Variants in CNTNAP4 observed in about 807,000 individuals in gnomAD.
CNTNAP4 encodes contactin-associated protein-like 4.
Under a neutral mutation model 148.4 loss-of-function variants are expected in CNTNAP4, and 98 were observed. The ratio of observed to expected loss-of-function variants is 0.66; its 90% CI spans 0.56 to 0.78. The LOEUF (loss-of-function observed/expected upper bound fraction) is 0.78, where lower values mean the gene tolerates loss of function less well. Among genes scored for constraint, CNTNAP4 ranks in the 30% least tolerant of loss-of-function variants. CNTNAP4 has a pLI of 0.00. For synonymous variants in CNTNAP4, 730 were observed against 565.1 expected, an observed-to-expected ratio of 1.29 and a Z score of -4.14; for missense variants, 1,935 against 1,565.6, an observed-to-expected ratio of 1.24 and a Z score of -3.98.
chr16:76,520,923 A>G (rs929424300), intron 15 of CNTNAP4, among the ~76,000 whole-genome samples: 2 of 152,126 alleles, frequency 1.3e-5, no homozygotes, highest in East Asian at 1.9e-4. Flanking sequence ...CTTACTCTCT[A>G]TTGGAAAAAA....
chr16:76,411,633 G>A (rs1221530958), intron 3 of CNTNAP4, among the ~76,000 whole-genome samples: 1 of 151,210 alleles, frequency 6.6e-6, no homozygotes, highest in Non-Finnish European at 1.5e-5. Flanking sequence ...CTATAAAAAA[G>A]CACAAAAGTG....
chr16:76,516,410 C>T (rs2083257279), intron 15 of CNTNAP4, among the ~76,000 whole-genome samples: 1 of 152,134 alleles, frequency 6.6e-6, no homozygotes, highest in South Asian at 2.1e-4. Flanking sequence ...CATACATGTG[C>T]AAATGATTTA....
At chr16:76,463,807 G>C (rs9930154) in intron 9 of CNTNAP4, among the ~76,000 whole-genome samples, 14 of 151,836 alleles carry the variant, frequency 9.2e-5, no homozygotes, top group African/African-American at 3.4e-4. Flanking sequence ...TGGGTTTTAT[G>C]CTTGCTTCAT....
At chr16:76,524,636 G>C (rs1350744953) in intron 17 of CNTNAP4, among the ~76,000 whole-genome samples, 1 of 152,100 alleles carries the variant, frequency 6.6e-6, no homozygotes, top group Non-Finnish European at 1.5e-5. Flanking sequence ...AAACAGACTT[G>C]AGTCTTTTAA....
chr16:76,497,529 G>C (rs1175837105), intron 14 of CNTNAP4, among the ~76,000 whole-genome samples: 5 of 152,082 alleles, frequency 3.3e-5, no homozygotes, highest in African/African-American at 1.2e-4. Flanking sequence ...AAAAGGATGA[G>C]TTCATGTCCT....
At chr16:76,423,778 G>C (rs74026774) in intron 3 of CNTNAP4, among the ~76,000 whole-genome samples, 9 of 152,016 alleles carry the variant, frequency 5.9e-5, no homozygotes, top group African/African-American at 2.2e-4. Flanking sequence ...CAAATTTATT[G>C]ATCAGTTAAT....
At chr16:76,373,897 C>CAAAAAAA (rs71382634) in intron 3 of CNTNAP4, among the ~76,000 whole-genome samples, 20 of 111,908 alleles carry the variant, frequency 1.8e-4, no homozygotes, top group South Asian at 3.0e-4. Context: ...CTCCATCTCA[C>CAAAAAAA]AAAAAAAAAA....
chr16:76,450,204 C>T (rs2080407183), intron 7 of CNTNAP4, among the ~76,000 whole-genome samples: 1 of 151,930 alleles, frequency 6.6e-6, no homozygotes, highest in African/African-American at 2.4e-5. Context: ...GGCTGGGGTG[C>T]AGTGGCATAA....
chr16:76,410,625 A>G (rs1315722995), intron 3 of CNTNAP4, among the ~76,000 whole-genome samples: 1 of 151,764 alleles, frequency 6.6e-6, no homozygotes, highest in Admixed American at 6.6e-5. Flanking sequence ...TGTGAAGAAT[A>G]GGTTAAGCCC....
In CNTNAP4 at chr16:76,558,856, T is replaced by C; in HGVS notation, c.*173T>C. On this transcript the variant is annotated 3_prime_UTR_variant, in exon 24 of 24. Coordinates refer to ENST00000611870, the MANE Select transcript of CNTNAP4 (RefSeq NM_033401.5). ...CAGGAAGCCTCGTCCAGTGATATATTTCTCATAGCATTCATTCTATGGAAC... is the reference window on the plus strand; with the variant it reads ...CAGGAAGCCTCGTCCAGTGATATATCTCTCATAGCATTCATTCTATGGAAC... The C allele has an allele frequency of 2.0e-6, 1 of 491,658 alleles. No homozygotes were observed. The highest frequency in any genetic ancestry group is 3.6e-6 in the Non-Finnish European group (1 of 278,360). The allele number at this position is 491,658 out of a possible 1,614,324, so 30.5% of individuals were successfully genotyped here. A position where few individuals can be genotyped will look rare whatever the true frequency, so the allele number is the denominator to read the frequency against.
chr16:76,379,412 G>A (rs1439138016), intron 3 of CNTNAP4, among the ~76,000 whole-genome samples: 4 of 151,968 alleles, frequency 2.6e-5, no homozygotes, highest in East Asian at 1.9e-4. Flanking sequence ...ATTGTAATTT[G>A]TCAAATATAT....
intron 15 of CNTNAP4, among the ~76,000 whole-genome samples, chr16:76,505,957 A>G (rs751216382): frequency 1.0e-5 from 1 of 97,924 alleles, no homozygotes; most frequent in Admixed American, 9.9e-5. Context: ...CACTAGAAGT[A>G]AATTCATGGA....
intron 3 of CNTNAP4, among the ~76,000 whole-genome samples, chr16:76,397,938 T>TTATGTATATATA: frequency 1.6e-5 from 1 of 62,294 alleles, no homozygotes; most frequent in East Asian, 8.0e-4. Context: ...AACTAATAGA[T>TTATGTATATATA]TATATACATA....
At position 76,487,718 on chromosome 16, in the gene CNTNAP4, G is replaced by A. The variant is rs1487801310; in HGVS notation, c.1883-1968G>A. ...TCTGTTTAACATCATACCTTGTAGT[G>A]CTTTTTATTAGAGAATAAAATCACT... On this transcript the variant is annotated intron_variant, in intron 12 of 23. Transcript: ENST00000611870. 2.0e-5 allele frequency among the ~76,000 whole-genome samples: 3 copies of A among 152,126 alleles called. No homozygotes were observed. The East Asian group carries it at 5.8e-4, about 29-fold the overall frequency.
intron 21 of CNTNAP4, among the ~76,000 whole-genome samples, chr16:76,545,489 G>A (rs1047458072): frequency 2.4e-4 from 36 of 152,264 alleles, no homozygotes; most frequent in African/African-American, 8.2e-4. Context: ...GGTGGTCCCC[G>A]TGGAGTGGGC....
At chr16:76,483,107 C>T (rs921212439) in intron 12 of CNTNAP4, among the ~76,000 whole-genome samples, 2 of 152,016 alleles carry the variant, frequency 1.3e-5, no homozygotes, top group African/African-American at 4.8e-5. Flanking sequence ...CACTGCAAAC[C>T]TGTAAATTCT....
chr16:76,456,572 C>A lies in CNTNAP4; in HGVS notation c.1333+3803C>A, dbSNP rs117731300. On this transcript the variant is annotated intron_variant, in intron 8 of 23. Coordinates refer to ENST00000611870, the MANE Select transcript of CNTNAP4 (RefSeq NM_033401.5). ...CCCCACCTTCATTTCATTATAGTCACAGAATGGCCTTGTCTGATGTTGGTG... is the reference window on the plus strand; with the variant it reads ...CCCCACCTTCATTTCATTATAGTCAAAGAATGGCCTTGTCTGATGTTGGTG... 6.1e-3 allele frequency among the ~76,000 whole-genome samples: 926 copies of A among 152,058 alleles called. 2 individuals are homozygous for A. Among genetic ancestry groups the A allele is most frequent in the Non-Finnish European group, 8.4e-3 (568 of 67,980 alleles).
chr16:76,510,445 G>A (rs373353215), intron 15 of CNTNAP4, among the ~76,000 whole-genome samples: 1 of 149,730 alleles, frequency 6.7e-6, no homozygotes, highest in African/African-American at 2.4e-5. Context: ...ATTATGATAA[G>A]GCTTCTGTGG....
chr16:76,292,640 C>T (rs1466415256), intron 1 of CNTNAP4, among the ~76,000 whole-genome samples: 1 of 152,194 alleles, frequency 6.6e-6, no homozygotes. Flanking sequence ...CTGTATCATT[C>T]CTCTCTTGGT....
Sources: gnomAD v4.1 joint callset for allele counts (sites outside exome capture counted in the v4.1 genomes callset) on GRCh38, gnomAD v4.1.1 for gene constraint, MANE v1.5 for transcripts, NCBI Gene and HGNC (gene_info 2026-07-23, HGNC 2026-07-21) for gene names.